The following RBM6 variants were observed in gnomAD, a reference collection of about 807,000 sequenced individuals.
RBM6 encodes the protein RNA-binding protein 6.
A neutral mutation model predicts 140.4 loss-of-function variants in RBM6; 23 were observed. The ratio of observed to expected loss-of-function variants is 0.16; its 90% confidence interval spans 0.12 to 0.23. The LOEUF (loss-of-function observed/expected upper bound fraction) is 0.23. Ranked by LOEUF, RBM6 falls within the 10% of genes least tolerant of loss-of-function variation. The pLI, the probability that RBM6 is intolerant of heterozygous loss-of-function variation, is 1.00. For synonymous variants in RBM6, 439 were observed against 475.6 expected, an observed-to-expected ratio of 0.92 and a Z score of 1.00; for missense variants, 1,139 against 1,386.7, an observed-to-expected ratio of 0.82 and a Z score of 2.84.
At chr3:50,061,713 G>T in intron 14 of RBM6, 166 bp downstream of exon 14, 1 of 1,417,188 alleles carries the variant, frequency 7.1e-7, no homozygotes. Context: ...CAGAACTGTT[G>T]CCTATATGGA....
At chr3:49,961,420 C>T (rs551878736) in intron 1 of RBM6, among the ~76,000 whole-genome samples, 5 of 152,078 alleles carry the variant, frequency 3.3e-5, no homozygotes, top group Non-Finnish European at 5.9e-5. Flanking sequence ...TTGGCTCAAG[C>T]GGTCTGCCTG....
At chr3:50,076,838 C>T (rs1559664252) in intron 20 of RBM6, among the ~76,000 whole-genome samples, 170 bp from the exon 21 acceptor site, 1 of 151,680 alleles carries the variant, frequency 6.6e-6, no homozygotes, top group Non-Finnish European at 1.5e-5. Context: ...GAGCCCAGAT[C>T]GCACCACTGC....
intron 6 of RBM6, among the ~76,000 whole-genome samples, chr3:50,017,512 C>T (rs1337191058): frequency 2.0e-5 from 3 of 149,496 alleles, no homozygotes; most frequent in Non-Finnish European, 4.4e-5. Context: ...GAGCCAAGAT[C>T]GCGCCACTGC....
chr3:49,947,371 A>G (rs927275159), intron 1 of RBM6, among the ~76,000 whole-genome samples: 1 of 151,572 alleles, frequency 6.6e-6, no homozygotes, highest in African/African-American at 2.4e-5. Flanking sequence ...TTGAGGGTGC[A>G]GTGAGCTGTG....
intron 1 of RBM6, among the ~76,000 whole-genome samples, chr3:49,955,874 GTGTGTGTGTGTA>G (rs1365366461): frequency 1.3e-5 from 2 of 151,516 alleles, no homozygotes; most frequent in Non-Finnish European, 1.5e-5. Flanking sequence ...GTGTGTGTGT[GTGTGTGTGTGTA>G]TATGTATATA....
At chr3:49,975,199 T>G in intron 4 of RBM6, 124 bp from the exon 5 acceptor site, 1 of 818,204 alleles carries the variant, frequency 1.2e-6, no homozygotes, top group South Asian at 1.5e-5. Context: ...GTTCATAGTT[T>G]AACTTTGCTT....
At chr3:50,026,248 C>T (rs2087812429) in intron 6 of RBM6, among the ~76,000 whole-genome samples, 2 of 151,746 alleles carry the variant, frequency 1.3e-5, no homozygotes, top group African/African-American at 4.8e-5. Flanking sequence ...CCATGCCCGG[C>T]TAATTTTTGT....
chr3:49,992,644 A>C lies in RBM6; in HGVS notation c.1484-6796A>C, dbSNP rs148284581. Among the ~76,000 whole-genome samples the C allele has an allele frequency of 2.8e-3, 428 of 152,328 alleles. 1 individual carries two copies. The highest frequency in any genetic ancestry group is 9.8e-3 in the African/African-American group (406 of 41,580). On this transcript the variant is annotated intron_variant, in intron 5 of 20. Coordinates refer to ENST00000266022, the MANE Select transcript of RBM6 (RefSeq NM_005777.3). Reference sequence around the variant, plus strand: ...TGGTGAGTTAGTTGTAGCTTCTGCAAATGTACAGAACTAAGAAGCTACTTT... The same window carrying C: ...TGGTGAGTTAGTTGTAGCTTCTGCACATGTACAGAACTAAGAAGCTACTTT...
chr3:49,955,376 G>C (rs1156630294), intron 1 of RBM6, among the ~76,000 whole-genome samples: 1 of 149,144 alleles, frequency 6.7e-6, no homozygotes, highest in East Asian at 2.0e-4. Flanking sequence ...CTCTATTGAT[G>C]TGCATTTAGG....
chr3:50,064,408 C>A (rs996198203), intron 15 of RBM6, among the ~76,000 whole-genome samples: 1 of 152,178 alleles, frequency 6.6e-6, no homozygotes, highest in African/African-American at 2.4e-5. Context: ...GTAAAGCTTA[C>A]ATAGGAGGAT....
intron 6 of RBM6, among the ~76,000 whole-genome samples, chr3:50,032,500 A>AG (rs397989565): frequency 6.6e-6 from 1 of 151,166 alleles, no homozygotes. Flanking sequence ...AAAAAAAAAA[A>AG]GCAGGGATTT....
At chr3:50,061,801 C>A in intron 14 of RBM6, 161 bp from the exon 15 acceptor site, 1 of 1,252,156 alleles carries the variant, frequency 8.0e-7, no homozygotes, top group Non-Finnish European at 1.1e-6. Flanking sequence ...CTGAATGTGT[C>A]CTGGTCCCTG....
chr3:49,986,383 A>G (rs1257590857), intron 5 of RBM6, among the ~76,000 whole-genome samples: 1 of 151,644 alleles, frequency 6.6e-6, no homozygotes, highest in African/African-American at 2.4e-5. Flanking sequence ...TCATGAGGTC[A>G]GGAGATTGAG....
intron 2 of RBM6, among the ~76,000 whole-genome samples, chr3:49,963,892 T>C (rs2084393908): frequency 6.6e-6 from 1 of 152,104 alleles, no homozygotes; most frequent in South Asian, 2.1e-4. Flanking sequence ...TATTAACTAG[T>C]ACATTTTCCT....
At chr3:50,030,331 G>A (rs893029652) in intron 6 of RBM6, among the ~76,000 whole-genome samples, 3 of 141,924 alleles carry the variant, frequency 2.1e-5, no homozygotes, top group Admixed American at 1.4e-4. Flanking sequence ...ACCTTGAACA[G>A]ATACAAAGCA....
In RBM6 at chr3:49,968,544, T is replaced by C. The variant is rs1408396165; in HGVS notation, c.1119T>C (p.Ser373=). 1 of 1,614,204 alleles carries C rather than the reference T, an allele frequency of 6.2e-7. No individual in the cohort carries two copies. The highest frequency in any genetic ancestry group is 8.5e-7 in the Non-Finnish European group (1 of 1,180,032). The change falls in exon 3 of 21, where the codon TCT becomes TCC. Residue 373 remains serine (S), a synonymous_variant. Transcript: ENST00000266022. ...AAGACCAAGATAAGTCACAGCTTTC[T>C]GGACGTGAAGAGCAGAGTTCAGATG... The part of the protein sequence containing the change: ...PVQDQDKSQL[S]GREEQSSDAG...
chr3:49,969,908 A>G (rs1260168567), intron 3 of RBM6, among the ~76,000 whole-genome samples: 3 of 151,480 alleles, frequency 2.0e-5, no homozygotes, highest in African/African-American at 7.3e-5. Context: ...AGCTGGGACT[A>G]CAGGTATATT....
chr3:49,984,760 A>G (rs1260845517), intron 5 of RBM6, among the ~76,000 whole-genome samples: 1 of 152,242 alleles, frequency 6.6e-6, no homozygotes, highest in Non-Finnish European at 1.5e-5. Context: ...CCCTGAGCAC[A>G]GAAATCTCGG....
chr3:50,051,280 CAGTG>C (rs1225788047), intron 7 of RBM6, among the ~76,000 whole-genome samples: 1 of 152,172 alleles, frequency 6.6e-6, no homozygotes, highest in Non-Finnish European at 1.5e-5. Context: ...GTCGAGGCAT[CAGTG>C]AGCTATGATA....
Sources: gnomAD v4.1 joint callset for allele counts (sites outside exome capture counted in the v4.1 genomes callset) on GRCh38, gnomAD v4.1.1 for gene constraint, MANE v1.5 for transcripts, NCBI Gene and HGNC (gene_info 2026-07-23, HGNC 2026-07-21) for gene names.